Variants in PPFIA4 observed in about 807,000 individuals in gnomAD.
The protein encoded by PPFIA4 is PPFI scaffold protein A4.
In PPFIA4, 98 loss-of-function variants were observed where a neutral mutation model predicts 145.7. That is an observed-to-expected ratio of 0.67 (90% CI 0.57 to 0.80). The LOEUF is 0.80. Among genes scored for constraint, PPFIA4 ranks in the 30% least tolerant of loss-of-function variants. The pLI, the probability that PPFIA4 is intolerant of heterozygous loss-of-function variation, is 0.00. For missense variants in PPFIA4, 1,457 were observed against 1,632.7 expected, an observed-to-expected ratio of 0.89 and a Z score of 1.85; for synonymous variants, 628 against 649.6, an observed-to-expected ratio of 0.97 and a Z score of 0.51.
chr1:203,037,628 G>A (rs899612360), intron 1 of PPFIA4, among the ~76,000 whole-genome samples: 3 of 152,136 alleles, frequency 2.0e-5, no homozygotes, highest in Admixed American at 6.5e-5. Flanking sequence ...TTACTTCATC[G>A]CCGGCTTCCT....
At chr1:203,034,580 C>T in intron 1 of PPFIA4, 2 of 456,360 alleles carry the variant, frequency 4.4e-6, no homozygotes, top group Non-Finnish European at 8.8e-6. Flanking sequence ...GGGAAGCTGC[C>T]TACAACTTGG....
At position 203,048,294 on chromosome 1, in the gene PPFIA4, A is replaced by G; in HGVS notation, c.1208A>G (p.Asn403Ser). ...RQLEGQLEEK[N>S]QELARVRQRE... ...CTGGAGGGACAGCTGGAGGAGAAGA[A>G]CCAGGAGCTGGCACGGGTGAGGGCA... The change falls in exon 10 of 30, where the codon AAC becomes AGC. Residue 403 changes from asparagine (N) to serine (S), a missense_variant. By Grantham distance (46) the Asn-to-Ser change is conservative. Transcript: ENST00000295706. The surrounding 1 kb of genome is among the most constrained non-coding windows in gnomAD (Gnocchi z 5.8). 6.2e-7 allele frequency: 1 copy of G among 1,612,682 alleles called. No individual in the cohort carries two copies. Among genetic ancestry groups the G allele is most frequent in the Non-Finnish European group, 8.5e-7 (1 of 1,179,808 alleles).
chr1:203,053,926 G>T lies in PPFIA4; in HGVS notation c.1794G>T (p.Leu598=). Residue 598 remains leucine, a synonymous_variant, in exon 15 of 30, where the codon CTG becomes CTT. Transcript: ENST00000295706. ...HSDAQTLAMM[L]QEQLDAINEE... ...ATGCCCAGACCCTGGCCATGATGCT[G>T]CAGGAGCAGCTGGATGCCATCAATG... 1 of 1,567,194 alleles carries T rather than the reference G, an allele frequency of 6.4e-7. No individual in the cohort carries two copies. The highest frequency in any genetic ancestry group is 1.9e-5 in the Admixed American group (1 of 53,286).
Position 203,048,796 on chromosome 1 carries a change from G to C in PPFIA4, c.1356+82G>C. ...GGAGGCGGGACTGTGATGGGCGCAG[G>C]CGGGGTCTCAATGGGGTGGGTGGCC... On this transcript the variant is annotated intron_variant, in intron 11 of 29. Transcript: ENST00000295706. This position sits in a 1 kb window ranked among gnomAD's most constrained non-coding sequence, Gnocchi z 5.8. 6.5e-7 allele frequency: 1 copy of C among 1,542,394 alleles called. No individual in the cohort carries two copies. Among genetic ancestry groups the C allele is most frequent in the African/African-American group, 1.4e-5 (1 of 73,598 alleles).
chr1:203,040,404 C>T (rs1011657342), intron 2 of PPFIA4, among the ~76,000 whole-genome samples: 1 of 152,192 alleles, frequency 6.6e-6, no homozygotes, highest in Non-Finnish European at 1.5e-5. Context: ...GGGAAGAGAA[C>T]AAGGGCTGGG....
At chr1:203,067,167 C>T (rs1218030576) in intron 25 of PPFIA4, among the ~76,000 whole-genome samples, 2 of 152,188 alleles carry the variant, frequency 1.3e-5, no homozygotes, top group Non-Finnish European at 1.5e-5. Context: ...GCCCTGAGGC[C>T]TGCAGGCCCA....
In PPFIA4 at chr1:203,061,687, C is replaced by A. The variant is rs747285399; in HGVS notation, c.2874+9C>A. On this transcript the variant is annotated intron_variant, in intron 24 of 29. Transcript: ENST00000295706. ...AGGGCAGCTGGGCTCAGGTAAGACT[C>A]CCTACCCTGTCTAGAACCAGCTCCC... 19 of 1,564,192 alleles carry A rather than the reference C, an allele frequency of 1.2e-5. No individual in the cohort carries two copies. The South Asian group carries it at 2.0e-4, about 17-fold the overall frequency.
rs1321244113 is a variant in PPFIA4, at chr1:203,059,809, C to T, written c.2541C>T (p.Pro847=). The change falls in exon 21 of 30, where the codon CCC becomes CCT. Residue 847 remains proline (P), a synonymous_variant. Coordinates refer to ENST00000295706, the MANE Select transcript of PPFIA4 (RefSeq NM_001304331.2). ...LLEDARRKGM[P]FAQWDGPTVV... ...AAGATGCCCGCAGGAAAGGAATGCC[C>T]TTTGCCCAGTGGGATGGTCCTACTG... 3 of 1,613,516 alleles carry T rather than the reference C, an allele frequency of 1.9e-6. No homozygotes were observed. The South Asian group carries it at 3.3e-5, about 18-fold the overall frequency.
At chr1:203,031,363 A>G (rs949963127) in intron 1 of PPFIA4, among the ~76,000 whole-genome samples, 1 of 152,216 alleles carries the variant, frequency 6.6e-6, no homozygotes, top group Admixed American at 6.5e-5. Flanking sequence ...ATGAACTACC[A>G]CTGCACTGGC....
rs1659497227 is a variant in PPFIA4 at position 203,039,037 on chromosome 1, A to AG, written c.34dup (p.Asp12GlyfsTer12). On this transcript the variant is annotated frameshift_variant, in exon 2 of 30. Coordinates refer to ENST00000295706, the MANE Select transcript of PPFIA4 (RefSeq NM_001304331.2). LOFTEE classifies it high-confidence loss of function. ...TGTGAGGTGATGCCCACAATCAATG[A>AG]GGGGGACCGCCTGGGTCCCCCTCAT... 6.4e-7 allele frequency: 1 copy of AG among 1,564,748 alleles called. No homozygotes were observed. Among genetic ancestry groups the AG allele is most frequent in the East Asian group, 2.3e-5 (1 of 43,686 alleles).
In PPFIA4 at chr1:203,048,781, C is replaced by A; in HGVS notation, c.1356+67C>A. The A allele has an allele frequency of 6.5e-7, 1 of 1,550,124 alleles. No individual in the cohort carries two copies. The highest frequency in any genetic ancestry group is 8.7e-7 in the Non-Finnish European group (1 of 1,146,000). On this transcript the variant is annotated intron_variant, in intron 11 of 29. Coordinates refer to ENST00000295706, the MANE Select transcript of PPFIA4 (RefSeq NM_001304331.2). The surrounding 1 kb of genome is among the most constrained non-coding windows in gnomAD (Gnocchi z 5.8). ...GGGTGTGGGGCGGGGGGAGGCGGGA[C>A]TGTGATGGGCGCAGGCGGGGTCTCA...
In PPFIA4 at chr1:203,067,744, C is replaced by G. The variant is rs754229615; in HGVS notation, c.3100C>G (p.Arg1034Gly). The G allele has an allele frequency of 5.0e-6, 8 of 1,613,724 alleles. No homozygotes were observed. Among genetic ancestry groups the G allele is most frequent in the East Asian group, 2.2e-5 (1 of 44,864 alleles). ...GTGTCTGAAGAGGCTGAATTATGAC[C>G]GGAAGGAGCTGGAGAAGAGGCGAGA... The part of the protein sequence containing the change: ...IMCLKRLNYD[R>G]KELEKRREES... The change falls in exon 26 of 30, where the codon CGG becomes GGG. Residue 1034 changes from arginine to glycine, a missense_variant. Physicochemically the swap from Arg to Gly is moderately radical, Grantham distance 125. This residue lies in a region of PPFIA4 where 848 missense variants were observed against 1,046.7 expected (regional missense o/e 0.81). Coordinates refer to ENST00000295706, the MANE Select transcript of PPFIA4 (RefSeq NM_001304331.2).
chr1:203,051,408 C>A, intron 13 of PPFIA4: 1 of 828,266 alleles, frequency 1.2e-6, no homozygotes, highest in Non-Finnish European at 1.5e-6. Context: ...TCCTGCGCCA[C>A]GTGTGTCAGA....
chr1:203,067,699 A>G lies in PPFIA4; in HGVS notation c.3055A>G (p.Ser1019Gly). 6 of 1,613,820 alleles carry G rather than the reference A, an allele frequency of 3.7e-6. No homozygotes were observed. The highest frequency in any genetic ancestry group is 4.2e-6 in the Non-Finnish European group (5 of 1,179,788). Residue 1019 changes from serine (S) to glycine (G), a missense_variant, in exon 26 of 30, where the codon AGT becomes GGT. Physicochemically the swap from Ser to Gly is moderately conservative, Grantham distance 56. Coordinates refer to ENST00000295706, the MANE Select transcript of PPFIA4 (RefSeq NM_001304331.2). Reference sequence around the variant, plus strand: ...TTGGGGGCTGTGTGCCTGCAGAACCAGTCTTCAGTATGGCATCATGTGTCT... The same window carrying G: ...TTGGGGGCTGTGTGCCTGCAGAACCGGTCTTCAGTATGGCATCATGTGTCT... ...LKMVDSFHRT[S>G]LQYGIMCLKR...
rs34987795 is a variant in PPFIA4 at position 203,062,479 on chromosome 1, C to CAA, written c.2874+827_2874+828dup. 6.8e-3 allele frequency among the ~76,000 whole-genome samples: 241 copies of CAA among 35,384 alleles called. 19 individuals are homozygous for CAA. Among genetic ancestry groups the CAA allele is most frequent in the African/African-American group, 0.012 (126 of 10,728 alleles). 23.2% of individuals were successfully genotyped at this position (35,384 alleles called of 152,430 possible). ...TGGGTGACAGAGCAAGACTCCGTCT[C>CAA]AAAAAAAAAAAAAAAAAAAAAAAAA... On this transcript the variant is annotated intron_variant, in intron 24 of 29. Coordinates refer to ENST00000295706, the MANE Select transcript of PPFIA4 (RefSeq NM_001304331.2).
At chr1:203,047,938 T>G (rs1660198424) in intron 9 of PPFIA4, among the ~76,000 whole-genome samples, 1 of 152,236 alleles carries the variant, frequency 6.6e-6, no homozygotes, top group Non-Finnish European at 1.5e-5. Flanking sequence ...GAGCTTTTTC[T>G]GGAAGCATGG....
Position 203,045,869 on chromosome 1 carries a change from A to G in PPFIA4, c.887A>G (p.Glu296Gly). 2 of 1,612,830 alleles carry G rather than the reference A, an allele frequency of 1.2e-6. No individual in the cohort carries two copies. The highest frequency in any genetic ancestry group is 2.2e-5 in the South Asian group (2 of 91,086). ...EALAQKEDME[E>G]RITTLEKRYL... is the part of the protein sequence containing the mutation. ...CTGGCCCAGAAGGAGGACATGGAAG[A>G]GCGGATTACTACACTGGAGAAGCGC... The change falls in exon 8 of 30, where the codon GAG becomes GGG. Residue 296 changes from glutamate to glycine, a missense_variant. Physicochemically the swap from Glu to Gly is moderately conservative, Grantham distance 98. Around this residue, in one of 3 missense-constraint regions of PPFIA4, gnomAD observed 463 missense variants for 459.8 expected, o/e 1.01. Transcript: ENST00000295706.
At chr1:203,061,434 G>A in intron 23 of PPFIA4, 1 of 529,350 alleles carries the variant, frequency 1.9e-6, no homozygotes, top group Non-Finnish European at 3.3e-6. Context: ...CCTGGGAGGT[G>A]TGTGTTTTTG....
rs967326893 is a variant in PPFIA4 at position 203,071,568 on chromosome 1, T to C, written c.3325-124T>C. ...CAAAAAGGTGTGTAAAGGCCTCTAA[T>C]GGGCTAAATGCACTGGAGCCTTGCA... On this transcript the variant is annotated intron_variant, in intron 27 of 29. Transcript: ENST00000295706. 2.5e-5 allele frequency: 18 copies of C among 726,338 alleles called. No homozygotes were observed. The Admixed American group carries it at 2.8e-4, about 11-fold the overall frequency. 45.0% of individuals were successfully genotyped at this position (726,338 alleles called of 1,614,324 possible).
Sources: allele counts gnomAD v4.1 joint callset (sites outside exome capture counted in the v4.1 genomes callset), GRCh38; gene constraint gnomAD v4.1.1; regional missense constraint gnomAD v4.1.1; non-coding constraint Gnocchi (gnomAD v3.1); transcripts MANE v1.5; gene names NCBI Gene and HGNC (gene_info 2026-07-23, HGNC 2026-07-21).